The following OPCML variants were observed in gnomAD, a reference collection of about 807,000 sequenced individuals.
OPCML encodes opioid-binding protein/cell adhesion molecule.
In OPCML, 13 loss-of-function variants were observed where a neutral mutation model predicts 37.8. The ratio of observed to expected loss-of-function variants is 0.34; its 90% CI spans 0.22 to 0.55. The LOEUF is 0.55. OPCML is among the 20% of genes least tolerant of loss of function. OPCML has a pLI of 0.91. For synonymous variants in OPCML, 176 were observed against 168.8 expected, an observed-to-expected ratio of 1.04 and a Z score of -0.33; for missense variants, 341 against 435.6, an observed-to-expected ratio of 0.78 and a Z score of 1.93.
chr11:133,117,153 G>A (rs1429385399), intron 1 of OPCML, among the ~76,000 whole-genome samples: 1 of 152,078 alleles, frequency 6.6e-6, no homozygotes, highest in South Asian at 2.1e-4. Context: ...GTTAATGGGA[G>A]TCCCTTCAAG....
intron 1 of OPCML, among the ~76,000 whole-genome samples, chr11:133,161,985 C>CTTTTTTTGTTTTTTTT (rs1950148260): frequency 1.2e-5 from 1 of 85,482 alleles, no homozygotes; most frequent in Non-Finnish European, 2.2e-5. Context: ...CAGTCTCTGT[C>CTTTTTTTGTTTTTTTT]TTTTTTTTTT....
At chr11:132,780,649 T>C (rs1946975990) in intron 2 of OPCML, among the ~76,000 whole-genome samples, 1 of 152,174 alleles carries the variant, frequency 6.6e-6, no homozygotes, top group Non-Finnish European at 1.5e-5. Context: ...AGGTAAAGAT[T>C]TTTATGAAAA....
At chr11:132,421,076 G>T (rs2095957129) in intron 7 of OPCML, among the ~76,000 whole-genome samples, 1 of 151,874 alleles carries the variant, frequency 6.6e-6, no homozygotes. Flanking sequence ...CATGAGTGCT[G>T]TTCTTTTCCC....
chr11:132,674,717 C>G (rs1239294661), intron 2 of OPCML, among the ~76,000 whole-genome samples: 1 of 152,080 alleles, frequency 6.6e-6, no homozygotes, highest in Non-Finnish European at 1.5e-5. Flanking sequence ...ATTCAGGAAG[C>G]TTATGAAAAG....
intron 1 of OPCML, among the ~76,000 whole-genome samples, chr11:133,081,802 G>A (rs902297597): frequency 6.6e-6 from 1 of 152,088 alleles, no homozygotes; most frequent in African/African-American, 2.4e-5. Context: ...AGCCCCCGCC[G>A]TTCGAATGGC....
At chr11:133,502,401 G>A (rs1049033071) in intron 1 of OPCML, among the ~76,000 whole-genome samples, 6 of 152,172 alleles carry the variant, frequency 3.9e-5, no homozygotes, top group African/African-American at 1.2e-4. Context: ...ACACCCCAGC[G>A]TCCTCGTCCA....
In OPCML at chr11:133,052,134, G is replaced by A. The variant is rs117989375; in HGVS notation, c.62-109124C>T. 4.7e-4 allele frequency among the ~76,000 whole-genome samples: 71 copies of A among 152,278 alleles called. No homozygotes were observed. In the East Asian group the frequency reaches 0.013, roughly 28 times the overall value. ...TTGATTAAAATACACCAAAAACACT[G>A]TTCTGATGAGTAGGACATTAATTGA... On this transcript the variant is annotated intron_variant, in intron 1 of 7. Transcript: ENST00000524381.
At chr11:133,078,636 G>C (rs1240912723) in intron 1 of OPCML, among the ~76,000 whole-genome samples, 2 of 152,138 alleles carry the variant, frequency 1.3e-5, no homozygotes, top group Admixed American at 6.5e-5. Flanking sequence ...CTCCAGTGAG[G>C]AGGGCGCAGA....
intron 2 of OPCML, among the ~76,000 whole-genome samples, chr11:132,735,225 C>A (rs1014596684): frequency 1.3e-5 from 2 of 152,014 alleles, no homozygotes; most frequent in African/African-American, 4.8e-5. Context: ...AACTATCAGG[C>A]AAACTTGGTA....
chr11:133,513,391 T>C (rs11223492), intron 1 of OPCML, among the ~76,000 whole-genome samples: 25,616 of 152,148 alleles, frequency 0.17, 5,289 homozygotes, highest in African/African-American at 0.49. Context: ...TGGCTTGGAT[T>C]ACTCCTTTCT....
At chr11:133,078,067 C>T (rs1326892039) in intron 1 of OPCML, among the ~76,000 whole-genome samples, 1 of 152,176 alleles carries the variant, frequency 6.6e-6, no homozygotes, top group African/African-American at 2.4e-5. Flanking sequence ...CTGAGTCCAT[C>T]TCAGCCCCCA....
intron 3 of OPCML, among the ~76,000 whole-genome samples, chr11:132,530,647 G>A (rs534263101): frequency 6.6e-5 from 10 of 151,614 alleles, no homozygotes; most frequent in East Asian, 2.0e-4. Flanking sequence ...CTCAGGCCCC[G>A]TTTCCTCTAA....
At chr11:132,671,005 C>A (rs1942452517) in intron 2 of OPCML, among the ~76,000 whole-genome samples, 1 of 152,226 alleles carries the variant, frequency 6.6e-6, no homozygotes, top group Admixed American at 6.5e-5. Flanking sequence ...GTTCAGGTGA[C>A]TGTGGCTTAA....
chr11:133,200,370 T>A (rs140720563), intron 1 of OPCML, among the ~76,000 whole-genome samples: 173 of 152,374 alleles, frequency 1.1e-3, no homozygotes, highest in African/African-American at 3.7e-3. Flanking sequence ...TTTTTGTCAT[T>A]GTTTTTCCCT....
intron 1 of OPCML, among the ~76,000 whole-genome samples, chr11:133,178,675 G>A (rs1035619487): frequency 1.3e-5 from 2 of 152,074 alleles, no homozygotes; most frequent in South Asian, 2.1e-4. Context: ...ATCTGAGTAC[G>A]CAAACGAGCA....
chr11:132,454,250 T>C (rs555536353), intron 4 of OPCML, among the ~76,000 whole-genome samples: 6 of 152,342 alleles, frequency 3.9e-5, no homozygotes, highest in African/African-American at 1.4e-4. Flanking sequence ...TTAGCTTTCG[T>C]TGCTAGTTTT....
intron 2 of OPCML, among the ~76,000 whole-genome samples, chr11:132,661,067 G>C (rs1181851168): frequency 6.6e-6 from 1 of 152,078 alleles, no homozygotes; most frequent in Non-Finnish European, 1.5e-5. Flanking sequence ...CTTTGAAAAA[G>C]GGCAATCCAA....
intron 2 of OPCML, among the ~76,000 whole-genome samples, chr11:132,788,025 C>T (rs763691295): frequency 5.3e-4 from 80 of 152,018 alleles, no homozygotes; most frequent in African/African-American, 1.7e-3. Flanking sequence ...GGACTACAGG[C>T]GCACGCCACC....
chr11:132,507,533 A>G (rs940755607), intron 4 of OPCML, among the ~76,000 whole-genome samples: 4 of 151,956 alleles, frequency 2.6e-5, no homozygotes, highest in African/African-American at 9.7e-5. Context: ...ACAGTTATCA[A>G]AATTGAACCT....
Sources: allele counts gnomAD v4.1 joint callset (sites outside exome capture counted in the v4.1 genomes callset), GRCh38; gene constraint gnomAD v4.1.1; transcripts MANE v1.5; gene names NCBI Gene and HGNC (gene_info 2026-07-23, HGNC 2026-07-21).